The following SPAG16 variants were observed in gnomAD, a reference collection of about 807,000 sequenced individuals.
SPAG16 encodes the protein sperm associated antigen 16, also known as sperm-associated antigen 16 protein.
A neutral mutation model predicts 80.4 loss-of-function variants in SPAG16; 86 were observed. The observed-to-expected ratio is 1.07, with a 90% confidence interval of 0.90 to 1.28. The LOEUF (loss-of-function observed/expected upper bound fraction) is 1.28. Among genes scored for constraint, SPAG16 ranks in the 50% most tolerant of loss-of-function variants. SPAG16 has a pLI of 0.00. For missense variants in SPAG16, 870 were observed against 765.3 expected (o/e 1.14, Z -1.61); for synonymous variants, 294 against 265.9 (o/e 1.11, Z -1.03).
At chr2:213,819,381 A>G (rs556728741) in intron 10 of SPAG16, among the ~76,000 whole-genome samples, 2 of 152,320 alleles carry the variant, frequency 1.3e-5, no homozygotes, top group African/African-American at 4.8e-5. Context: ...ACTAGCCAAC[A>G]TTTTATGTGT....
intron 10 of SPAG16, among the ~76,000 whole-genome samples, chr2:213,861,608 G>T (rs564472090): frequency 2.2e-4 from 34 of 152,280 alleles, no homozygotes; most frequent in Non-Finnish European, 4.6e-4. Flanking sequence ...TTTAATAGGT[G>T]CTTAACATTG....
At chr2:213,773,841 C>A (rs911097153) in intron 10 of SPAG16, among the ~76,000 whole-genome samples, 3 of 152,178 alleles carry the variant, frequency 2.0e-5, no homozygotes, top group African/African-American at 7.2e-5. Context: ...CATGAGCCAC[C>A]AAGCCTGGCC....
intron 13 of SPAG16, among the ~76,000 whole-genome samples, chr2:214,063,004 AC>A (rs1189816630): frequency 6.6e-6 from 1 of 152,208 alleles, no homozygotes; most frequent in Admixed American, 6.5e-5. Flanking sequence ...ATTATATTTA[AC>A]CCAACATTTC....
intron 15 of SPAG16, among the ~76,000 whole-genome samples, chr2:214,255,906 A>G (rs1484540589): frequency 6.6e-6 from 1 of 151,978 alleles, no homozygotes; most frequent in African/African-American, 2.4e-5. Context: ...GATATTATCA[A>G]TAAAGCTTCT....
chr2:214,330,089 A>G (rs1696800384), intron 15 of SPAG16, among the ~76,000 whole-genome samples: 1 of 149,428 alleles, frequency 6.7e-6, no homozygotes, highest in African/African-American at 2.5e-5. Context: ...CAACATGATG[A>G]AACCCTATCT....
intron 12 of SPAG16, among the ~76,000 whole-genome samples, chr2:213,974,489 G>A (rs987249561): frequency 6.6e-6 from 1 of 151,738 alleles, no homozygotes; most frequent in African/African-American, 2.4e-5. Context: ...AACAAATTAT[G>A]TTAAATTTAG....
intron 13 of SPAG16, among the ~76,000 whole-genome samples, chr2:214,095,137 C>A (rs149131678): frequency 6.6e-4 from 100 of 152,084 alleles, no homozygotes; most frequent in African/African-American, 2.1e-3. Flanking sequence ...GTAAAATAAC[C>A]ATATTTTTAA....
chr2:213,624,258 C>T (rs1228766646), intron 10 of SPAG16, among the ~76,000 whole-genome samples: 1 of 151,960 alleles, frequency 6.6e-6, no homozygotes, highest in Non-Finnish European at 1.5e-5. Flanking sequence ...TATTTATCAT[C>T]ATCTTTGAAA....
intron 12 of SPAG16, among the ~76,000 whole-genome samples, chr2:213,982,180 C>A (rs1314774314): frequency 6.7e-6 from 1 of 149,296 alleles, no homozygotes; most frequent in Non-Finnish European, 1.5e-5. Flanking sequence ...AGTTATTAAC[C>A]TATATTCTAA....
chr2:213,939,243 A>T (rs1409113976), intron 12 of SPAG16, among the ~76,000 whole-genome samples: 1 of 152,210 alleles, frequency 6.6e-6, no homozygotes. Context: ...ACTATGTACC[A>T]AGTAATATAG....
intron 12 of SPAG16, among the ~76,000 whole-genome samples, chr2:213,969,359 A>C (rs1328264015): frequency 1.3e-5 from 2 of 152,164 alleles, no homozygotes; most frequent in Non-Finnish European, 2.9e-5. Flanking sequence ...CGGGTGGTTA[A>C]TCCTGATATG....
chr2:214,071,001 C>A (rs2050764968), intron 13 of SPAG16, among the ~76,000 whole-genome samples: 1 of 152,016 alleles, frequency 6.6e-6, no homozygotes, highest in South Asian at 2.1e-4. Context: ...TACCCGGAAA[C>A]TGTACAAATA....
chr2:213,585,174 A>C (rs1018659434), intron 10 of SPAG16, among the ~76,000 whole-genome samples: 2 of 148,404 alleles, frequency 1.3e-5, no homozygotes, highest in Non-Finnish European at 3.0e-5. Context: ...GCACAATGAG[A>C]GTGAGACTCC....
At chr2:213,617,490 C>T (rs1017018890) in intron 10 of SPAG16, among the ~76,000 whole-genome samples, 2 of 152,108 alleles carry the variant, frequency 1.3e-5, no homozygotes, top group Non-Finnish European at 2.9e-5. Context: ...TACAGGCGCC[C>T]ACCACCATGT....
At chr2:214,060,125 C>T (rs1026158773) in intron 13 of SPAG16, among the ~76,000 whole-genome samples, 1 of 152,140 alleles carries the variant, frequency 6.6e-6, no homozygotes, top group Non-Finnish European at 1.5e-5. Flanking sequence ...TGTGCCCTCT[C>T]ATCAGGGAGA....
chr2:214,228,946 A>C (rs1424307630), intron 15 of SPAG16, among the ~76,000 whole-genome samples: 1 of 151,830 alleles, frequency 6.6e-6, no homozygotes, highest in Non-Finnish European at 1.5e-5. Flanking sequence ...CAAACTCATA[A>C]TTTTCAGCCT....
chr2:213,759,788 G>A (rs2068550314), intron 10 of SPAG16, among the ~76,000 whole-genome samples: 3 of 152,170 alleles, frequency 2.0e-5, no homozygotes, highest in Non-Finnish European at 4.4e-5. Flanking sequence ...TGCAATCCCT[G>A]CGCTTTGGGA....
At chr2:214,377,724 T>C (rs889816597) in intron 15 of SPAG16, among the ~76,000 whole-genome samples, 8 of 152,254 alleles carry the variant, frequency 5.3e-5, no homozygotes, top group East Asian at 1.9e-4. Flanking sequence ...CCCCTGAGTA[T>C]TGAAGGGTCA....
chr2:214,148,452 A>G (rs1046725073), intron 14 of SPAG16, among the ~76,000 whole-genome samples: 2 of 152,010 alleles, frequency 1.3e-5, no homozygotes, highest in Non-Finnish European at 1.5e-5. Flanking sequence ...CCCTTTATCC[A>G]ATTACCTTCT....
Sources: allele counts gnomAD v4.1 joint callset (sites outside exome capture counted in the v4.1 genomes callset), GRCh38; gene constraint gnomAD v4.1.1; transcripts MANE v1.5; gene names NCBI Gene and HGNC (gene_info 2026-07-23, HGNC 2026-07-21).